The following E2F3 variants were observed in gnomAD, a reference collection of about 807,000 sequenced individuals.
The protein encoded by E2F3 is transcription factor E2F3.
A neutral mutation model predicts 44.4 loss-of-function variants in E2F3; 11 were observed. The observed-to-expected ratio is 0.25, with a 90% confidence interval of 0.16 to 0.41. The LOEUF is 0.41. Among genes scored for constraint, E2F3 ranks in the 10% least tolerant of loss-of-function variants. The probability of loss-of-function intolerance (pLI) is 1.00; values close to 1 mark genes in which losing one functional copy is unlikely to be tolerated. For missense variants in E2F3, 487 were observed against 583.6 expected (o/e 0.83, Z 1.70); for synonymous variants, 249 against 253.0 (o/e 0.98, Z 0.15).
rs530266955 is a variant in E2F3 at position 20,448,927 on chromosome 6, A to T, written c.394-30919A>T. ...TTTATAGAAATTGAATGATCCAGTA[A>T]AACTAAAAGCCTGGCTTCTTTCATC... On this transcript the variant is annotated intron_variant, in intron 1 of 6. Transcript: ENST00000346618. Among the ~76,000 whole-genome samples, 462 of 152,320 alleles carry T rather than the reference A, an allele frequency of 3.0e-3. 1 individual carries two copies. The highest frequency in any genetic ancestry group is 0.014 in the Middle Eastern group (4 of 294).
rs577488642 is a variant in E2F3, at chr6:20,402,458, A to G, written c.226A>G (p.Ser76Gly). The G allele has an allele frequency of 5.8e-4, 933 of 1,609,876 alleles. 11 individuals are homozygous for G. The South Asian group carries it at 9.8e-3, about 17-fold the overall frequency. Reference sequence around the variant, plus strand: ...CACCTCCTGTTCCTCCTCCCTCCAAAGCGGCGCCGTAGCCGCCGGCCCCCT... The same window carrying G: ...CACCTCCTGTTCCTCCTCCCTCCAAGGCGGCGCCGTAGCCGCCGGCCCCCT... Reference protein sequence around the residue: ...STTSCSSSLQSGAVAAGPLLP... With the variant: ...STTSCSSSLQGGAVAAGPLLP... Residue 76 changes from serine (S) to glycine (G), a missense_variant, in exon 1 of 7, where the codon AGC becomes GGC. By Grantham distance (56) the Ser-to-Gly change is moderately conservative. Transcript: ENST00000346618. The surrounding 1 kb of genome is among the most constrained non-coding windows in gnomAD (Gnocchi z 5.6).
At chr6:20,424,205 G>A (rs1760124518) in intron 1 of E2F3, among the ~76,000 whole-genome samples, 1 of 140,686 alleles carries the variant, frequency 7.1e-6, no homozygotes, top group African/African-American at 2.7e-5. Context: ...TAACCTCAGT[G>A]GAAGGGTGTG....
intron 1 of E2F3, among the ~76,000 whole-genome samples, chr6:20,405,195 G>T (rs1042399819): frequency 2.6e-5 from 4 of 152,062 alleles, no homozygotes; most frequent in African/African-American, 4.8e-5. Flanking sequence ...TCCTTGACAT[G>T]AAATTATTAT....
chr6:20,431,116 T>C (rs901787027), intron 1 of E2F3, among the ~76,000 whole-genome samples: 4 of 151,794 alleles, frequency 2.6e-5, no homozygotes, highest in African/African-American at 7.3e-5. Flanking sequence ...TTCACAAGAG[T>C]GTGCTGAAAA....
chr6:20,479,167 A>G (rs553878282), intron 1 of E2F3, among the ~76,000 whole-genome samples: 1 of 152,328 alleles, frequency 6.6e-6, no homozygotes, highest in Admixed American at 6.5e-5. Flanking sequence ...TGTTTGCAGT[A>G]TTTGTTTTCC....
chr6:20,402,025 C>T lies in E2F3; in HGVS notation c.-208C>T, dbSNP rs1283389277. The T allele has an allele frequency of 1.2e-6, 1 of 819,104 alleles. No individual in the cohort carries two copies. Among genetic ancestry groups the T allele is most frequent in the African/African-American group, 1.8e-5 (1 of 54,870 alleles). The allele number at this position is 819,104 out of a possible 1,614,324, so 50.7% of individuals were successfully genotyped here. On this transcript the variant is annotated 5_prime_UTR_variant, in exon 1 of 7. Transcript: ENST00000346618. The surrounding 1 kb of genome is among the most constrained non-coding windows in gnomAD (Gnocchi z 5.6). ...GGGCCCGATATCCGTGCGGCCGGGA[C>T]CCTCCTCTCTCCAGAGCCCCGATTA... is the stretch of plus-strand genomic sequence containing the variant.
intron 1 of E2F3, among the ~76,000 whole-genome samples, 189 bp from the exon 2 acceptor site, chr6:20,479,657 G>A (rs1306364827): frequency 6.6e-6 from 1 of 152,246 alleles, no homozygotes; most frequent in African/African-American, 2.4e-5. Flanking sequence ...TGAAGAGAGT[G>A]TGCATGACAA....
chr6:20,452,143 G>A (rs1311774838), intron 1 of E2F3, among the ~76,000 whole-genome samples: 2 of 152,118 alleles, frequency 1.3e-5, no homozygotes, highest in African/African-American at 2.4e-5. Context: ...CTCTTTGTAC[G>A]TCTGGTAGAA....
At chr6:20,419,523 A>G (rs1759953449) in intron 1 of E2F3, among the ~76,000 whole-genome samples, 1 of 150,060 alleles carries the variant, frequency 6.7e-6, no homozygotes, top group South Asian at 2.1e-4. Context: ...GCTAGATAGT[A>G]CCTCCTTTTA....
At chr6:20,480,949 C>T (rs1762203861) in intron 2 of E2F3, among the ~76,000 whole-genome samples, 1 of 152,176 alleles carries the variant, frequency 6.6e-6, no homozygotes, top group Non-Finnish European at 1.5e-5. Flanking sequence ...TGGTGTAAGT[C>T]AAGGTAGAAA....
At chr6:20,415,491 G>A (rs979944807) in intron 1 of E2F3, among the ~76,000 whole-genome samples, 3 of 152,260 alleles carry the variant, frequency 2.0e-5, no homozygotes, top group Non-Finnish European at 4.4e-5. Context: ...CCACTTAGAT[G>A]CCATTAGCAC....
chr6:20,474,539 A>G (rs1761986908), intron 1 of E2F3, among the ~76,000 whole-genome samples: 1 of 152,168 alleles, frequency 6.6e-6, no homozygotes, highest in Admixed American at 6.5e-5. Context: ...TGCATAAACA[A>G]TGAATACCTC....
intron 5 of E2F3, 66 bp from the exon 6 acceptor site, chr6:20,488,047 A>G (rs1222859203): frequency 1.3e-6 from 2 of 1,590,486 alleles, no homozygotes; most frequent in African/African-American, 2.7e-5. Context: ...TTTTTAGACA[A>G]GAATTACTAT....
At chr6:20,483,408 C>T (rs1468092723) in intron 4 of E2F3, among the ~76,000 whole-genome samples, 1 of 152,096 alleles carries the variant, frequency 6.6e-6, no homozygotes, top group East Asian at 1.9e-4. Flanking sequence ...TTGAATCTAT[C>T]TGATTGGGCT....
chr6:20,467,372 C>T lies in E2F3; in HGVS notation c.394-12474C>T, dbSNP rs79822001. On this transcript the variant is annotated intron_variant, in intron 1 of 6. Transcript: ENST00000346618. The stretch of plus-strand genomic sequence containing the variant: ...GTTTATAGGTGGAGTCAGGCAGTCC[C>T]CCTTCTTCCAACATTCAAAACCAAA... Among the ~76,000 whole-genome samples, 1,287 of 152,222 alleles carry T rather than the reference C, an allele frequency of 8.5e-3. 19 individuals are homozygous for T. Among genetic ancestry groups the T allele is most frequent in the African/African-American group, 0.029 (1,203 of 41,534 alleles).
chr6:20,475,773 G>A (rs544203108), intron 1 of E2F3, among the ~76,000 whole-genome samples: 210 of 152,252 alleles, frequency 1.4e-3, no homozygotes, highest in African/African-American at 4.9e-3. Context: ...GATTACAGGC[G>A]TGAGCCATTG....
chr6:20,454,899 A>G (rs1180426345), intron 1 of E2F3, among the ~76,000 whole-genome samples: 1 of 152,204 alleles, frequency 6.6e-6, no homozygotes, highest in Non-Finnish European at 1.5e-5. Context: ...ATTAGACTCC[A>G]CTGGATAGCT....
chr6:20,448,053 C>A lies in E2F3; in HGVS notation c.394-31793C>A, dbSNP rs144449992. On this transcript the variant is annotated intron_variant, in intron 1 of 6. Transcript: ENST00000346618. ...ACACAATAGGCAGGATATTAAACTCCAGTTTCATTCCTGGGGATTGATATG... is the reference window on the plus strand; with the variant it reads ...ACACAATAGGCAGGATATTAAACTCAAGTTTCATTCCTGGGGATTGATATG... Among the ~76,000 whole-genome samples, 300 of 152,282 alleles carry A rather than the reference C, an allele frequency of 2.0e-3. 2 individuals carry two copies. The highest frequency in any genetic ancestry group is 6.9e-3 in the African/African-American group (286 of 41,564).
chr6:20,472,666 T>TA (rs1761931623), intron 1 of E2F3, among the ~76,000 whole-genome samples: 1 of 152,006 alleles, frequency 6.6e-6, no homozygotes, highest in South Asian at 2.1e-4. Flanking sequence ...ACCCTGTCTC[T>TA]AAAAAAATAA....
Sources: gnomAD v4.1 joint callset for allele counts (sites outside exome capture counted in the v4.1 genomes callset) on GRCh38, gnomAD v4.1.1 for gene constraint, Gnocchi (gnomAD v3.1) non-coding constraint, MANE v1.5 for transcripts, NCBI Gene and HGNC (gene_info 2026-07-23, HGNC 2026-07-21) for gene names.